The following WDR87 variants were observed in gnomAD, a reference collection of about 807,000 sequenced individuals.
WDR87 encodes the protein WD repeat domain 87.
A neutral mutation model predicts 83.3 loss-of-function variants in WDR87; 56 were observed. The ratio of observed to expected loss-of-function variants is 0.67; its 90% CI spans 0.54 to 0.84. The LOEUF (loss-of-function observed/expected upper bound fraction) is 0.84. Ranked by LOEUF, WDR87 falls within the 40% of genes least tolerant of loss-of-function variation. The pLI is 0.00. For synonymous variants in WDR87, 1,173 were observed against 1,250.6 expected (o/e 0.94, Z 1.31); for missense variants, 2,939 against 3,431.9 (o/e 0.86, Z 3.59).
At position 37,885,996 on chromosome 19, in the gene WDR87, C is replaced by A. The variant is rs373987886; in HGVS notation, c.7675G>T (p.Val2559Leu). ...ATCCACTCTACATCTGAGAGGCTTA[C>A]GTCTGCATGTTGTTCCTTAGCTGGG... ...QIPAKEQHAD[V>L]SLSDVEWIRH... Residue 2559 changes from valine to leucine, a missense_variant, in exon 6 of 6, where the codon GTA becomes TTA. Val to Leu is a conservative substitution (Grantham distance 32, BLOSUM62 1). Transcript: ENST00000447313. The A allele has an allele frequency of 1.9e-6, 3 of 1,551,920 alleles. No homozygotes were observed. The highest frequency in any genetic ancestry group is 2.0e-5 in the Admixed American group (1 of 51,002).
intron 5 of WDR87, among the ~76,000 whole-genome samples, chr19:37,891,315 C>G (rs1265533964): frequency 6.6e-6 from 1 of 152,038 alleles, no homozygotes; most frequent in East Asian, 1.9e-4. Context: ...AGGCACCCAC[C>G]ATCATGCCTG....
intron 1 of WDR87, 66 bp downstream of exon 1, chr19:37,906,433 G>C (rs561292644): frequency 6.6e-6 from 1 of 152,266 alleles, no homozygotes; most frequent in South Asian, 2.1e-4. Context: ...CCTCACCCTC[G>C]GGCCTCCTGC....
Position 37,894,716 on chromosome 19 carries a change from C to G in WDR87, c.987G>C (p.Arg329=). Residue 329 remains arginine (R), a synonymous_variant, in exon 4 of 6, where the codon CGG becomes CGC. Coordinates refer to ENST00000447313, the MANE Select transcript of WDR87 (RefSeq NM_001291088.2). ...AAGTAATGCTGTCAATAAACTGGAG[C>G]CGGTATAGCTCCTCACCAAGCTCTA... is the stretch of plus-strand genomic sequence containing the variant. The part of the protein sequence containing the change: ...RRLELGEELY[R]LQFIDSITFF... The G allele has an allele frequency of 6.4e-7, 1 of 1,551,686 alleles. No homozygotes were observed. The highest frequency in any genetic ancestry group is 8.7e-7 in the Non-Finnish European group (1 of 1,146,988).
chr19:37,885,496 C>A lies in WDR87; in HGVS notation c.8175G>T (p.Leu2725=). 1 of 1,551,532 alleles carries A rather than the reference C, an allele frequency of 6.4e-7. No homozygotes were observed. Among genetic ancestry groups the A allele is most frequent in the Non-Finnish European group, 8.7e-7 (1 of 1,146,986 alleles). The change falls in exon 6 of 6, where the codon CTG becomes CTT. Residue 2725 remains leucine, a synonymous_variant. Coordinates refer to ENST00000447313, the MANE Select transcript of WDR87 (RefSeq NM_001291088.2). ...SAHASVEKQT[L]ALMFQKDFWD... ...AGAAGTCCTTTTGAAACATCAGTGC[C>A]AGGGTTTGTTTTTCCACAGAGGCAT...
At chr19:37,890,817 G>A (rs538726522) in intron 5 of WDR87, among the ~76,000 whole-genome samples, 3 of 152,200 alleles carry the variant, frequency 2.0e-5, no homozygotes, top group African/African-American at 7.2e-5. Context: ...ATTAAAAAAT[G>A]TGCTCTTTTG....
In WDR87 at chr19:37,888,794, T is replaced by C; in HGVS notation, c.4877A>G (p.Lys1626Arg). ...IHRKRARAEKKRAQEERKLAQ... is the reference protein window; with the variant it reads ...IHRKRARAEKRRAQEERKLAQ... The stretch of plus-strand genomic sequence containing the variant: ...TAATTTCCTCTCTTCTTGGGCTCGT[T>C]TTTTTTCAGCTCGGGCTCGTTTCCT... The change falls in exon 6 of 6, where the codon AAA becomes AGA. Residue 1626 changes from lysine (K) to arginine (R), a missense_variant. Lys to Arg is a conservative substitution (Grantham distance 26). Coordinates refer to ENST00000447313, the MANE Select transcript of WDR87 (RefSeq NM_001291088.2). 1 of 1,551,770 alleles carries C rather than the reference T, an allele frequency of 6.4e-7. No individual in the cohort carries two copies. Among genetic ancestry groups the C allele is most frequent in the South Asian group, 1.2e-5 (1 of 84,042 alleles).
In WDR87 at chr19:37,889,661, C is replaced by CT. The variant is rs2046185927; in HGVS notation, c.4009dup (p.Ser1337LysfsTer2). On this transcript the variant is annotated frameshift_variant, in exon 6 of 6. Coordinates refer to ENST00000447313, the MANE Select transcript of WDR87 (RefSeq NM_001291088.2). LOFTEE classifies it low-confidence loss of function (END_TRUNC). ...ATCAAGGTCCTCAAGCAGAACCTTA[C>CT]TTTCTTTCTTCAATAGGGGGCAGAT... is the stretch of plus-strand genomic sequence containing the variant. 6.4e-7 allele frequency: 1 copy of CT among 1,551,698 alleles called. No homozygotes were observed. Among genetic ancestry groups the CT allele is most frequent in the South Asian group, 1.2e-5 (1 of 84,064 alleles).
Position 37,889,813 on chromosome 19 carries a change from A to C in WDR87, c.3858T>G (p.Cys1286Trp), listed in dbSNP as rs1434817696. ...CAGATATCCTCAGGGCCATAAGACG[A>C]CATAGATCGTCCCTCCATGATGAGC... ...GDGSSWRDDL[C>W]RLMALRISGS... The change falls in exon 6 of 6, where the codon TGT (cysteine) becomes TGG (tryptophan). Residue 1286 changes from cysteine to tryptophan, a missense_variant. Around this residue, in one of 3 missense-constraint regions of WDR87, gnomAD observed 2,160 missense variants for 2,533.1 expected, o/e 0.85. Transcript: ENST00000447313. 1.9e-6 allele frequency: 3 copies of C among 1,551,726 alleles called. No individual in the cohort carries two copies. The highest frequency in any genetic ancestry group is 2.6e-6 in the Non-Finnish European group (3 of 1,147,012).
intron 4 of WDR87, 49 bp downstream of exon 4, chr19:37,892,529 G>A (rs1599763682): frequency 7.1e-7 from 1 of 1,406,786 alleles, no homozygotes; most frequent in Non-Finnish European, 9.5e-7. Flanking sequence ...AAGGAAAGGA[G>A]GGGGAAAATG....
At chr19:37,890,956 T>G (rs573640973) in intron 5 of WDR87, among the ~76,000 whole-genome samples, 2 of 152,208 alleles carry the variant, frequency 1.3e-5, no homozygotes, top group African/African-American at 4.8e-5. Context: ...TTTTAAAAAA[T>G]TATACTTTAA....
Position 37,896,340 on chromosome 19 carries a change from C to G in WDR87, c.76-32G>C. On this transcript the variant is annotated intron_variant, in intron 2 of 5. Coordinates refer to ENST00000447313, the MANE Select transcript of WDR87 (RefSeq NM_001291088.2). ...AGAGGCGTGGCATAAACTAAGAGGC[C>G]AGGGCACAGAGGCACTAAATATATT... 3 of 1,547,370 alleles carry G rather than the reference C, an allele frequency of 1.9e-6. 1 individual carries two copies. In the South Asian group the frequency reaches 3.6e-5, roughly 19 times the overall value.
At chr19:37,905,892 A>C (rs1252076342) in intron 1 of WDR87, among the ~76,000 whole-genome samples, 1 of 152,060 alleles carries the variant, frequency 6.6e-6, no homozygotes, top group Admixed American at 6.5e-5. Flanking sequence ...TCCCTACTGG[A>C]CTGAAAACTC....
At position 37,895,401 on chromosome 19, in the gene WDR87, G is replaced by A. The variant is rs1203820326; in HGVS notation, c.302C>T (p.Ser101Phe). 6.4e-7 allele frequency: 1 copy of A among 1,551,704 alleles called. No homozygotes were observed. Among genetic ancestry groups the A allele is most frequent in the Admixed American group, 2.0e-5 (1 of 50,998 alleles). ...GATGGGTGGCAATCGTTCAGTCATG[G>A]AGAATGTTCTTTTCTCAACCATGTC... ...TEDMVEKRTF[S>F]MTERLPPIQS... is the part of the protein sequence containing the mutation. Residue 101 changes from serine to phenylalanine, a missense_variant, in exon 4 of 6, where the codon TCC (serine) becomes TTC (phenylalanine). By Grantham distance (155) the Ser-to-Phe change is radical (BLOSUM62 -2). Transcript: ENST00000447313.
rs997319264 is a variant in WDR87, at chr19:37,891,876, T to A, written c.3126-56A>T. ...GCTGAGTCAGGAACAAAAGGGAGAATGGGAAGCAAAAAACGGTTGTGGAAC... is the reference window on the plus strand; with the variant it reads ...GCTGAGTCAGGAACAAAAGGGAGAAAGGGAAGCAAAAAACGGTTGTGGAAC... On this transcript the variant is annotated intron_variant, in intron 4 of 5. Transcript: ENST00000447313. 8 of 1,518,764 alleles carry A rather than the reference T, an allele frequency of 5.3e-6. No homozygotes were observed. The Admixed American group carries it at 1.8e-4, about 34-fold the overall frequency. 94.1% of individuals were successfully genotyped at this position (1,518,764 alleles called of 1,614,324 possible).
chr19:37,887,116 C>T lies in WDR87; in HGVS notation c.6555G>A (p.Leu2185=). 1.3e-6 allele frequency: 2 copies of T among 1,549,762 alleles called. No homozygotes were observed. The highest frequency in any genetic ancestry group is 1.7e-6 in the Non-Finnish European group (2 of 1,146,676). ...TTATCATTCTTCTCATTTTGTTGGCCAGTTTTCTCTGCTTCCGAGCCAGTT... is the reference window on the plus strand; with the variant it reads ...TTATCATTCTTCTCATTTTGTTGGCTAGTTTTCTCTGCTTCCGAGCCAGTT... ...EKKLARKQRK[L]ANKMRRMINK... The change falls in exon 6 of 6, where the codon CTG becomes CTA. Residue 2185 remains leucine (L), a synonymous_variant. Coordinates refer to ENST00000447313, the MANE Select transcript of WDR87 (RefSeq NM_001291088.2).
chr19:37,896,079 A>G, intron 3 of WDR87, 59 bp downstream of exon 3: 1 of 1,539,828 alleles, frequency 6.5e-7, no homozygotes, highest in Non-Finnish European at 8.8e-7. Context: ...CTGGGCTAAC[A>G]GTTATATGGG....
At chr19:37,897,018 T>C (rs1039818272) in intron 2 of WDR87, among the ~76,000 whole-genome samples, 3 of 152,170 alleles carry the variant, frequency 2.0e-5, no homozygotes, top group Admixed American at 1.3e-4. Context: ...TACGCACACA[T>C]GGAATATAGC....
chr19:37,905,586 AG>A (rs1316844807), intron 1 of WDR87, among the ~76,000 whole-genome samples: 1 of 151,484 alleles, frequency 6.6e-6, no homozygotes, highest in Admixed American at 6.6e-5. Flanking sequence ...TTAAAGAGAC[AG>A]GGTTCTGCTT....
chr19:37,888,031 C>T lies in WDR87; in HGVS notation c.5640G>A (p.Gln1880=), dbSNP rs1057240135. ...MILYQKKNLA[Q]EKKNLAQEKE... ...TCTCCTGGGCCAGATTCTTCTTTTC[C>T]TGAGCCAGATTCTTCTTCTGGTACA... The change falls in exon 6 of 6, where the codon CAG becomes CAA. Residue 1880 remains glutamine (Q), a synonymous_variant. Coordinates refer to ENST00000447313, the MANE Select transcript of WDR87 (RefSeq NM_001291088.2). 1 of 1,551,324 alleles carries T rather than the reference C, an allele frequency of 6.4e-7. No individual in the cohort carries two copies. The highest frequency in any genetic ancestry group is 2.0e-5 in the Admixed American group (1 of 50,944).
Sources: allele counts gnomAD v4.1 joint callset (sites outside exome capture counted in the v4.1 genomes callset), GRCh38; gene constraint gnomAD v4.1.1; regional missense constraint gnomAD v4.1.1; transcripts MANE v1.5; gene names NCBI Gene and HGNC (gene_info 2026-07-23, HGNC 2026-07-21).